Variants in HGF observed in about 807,000 individuals in gnomAD.
The protein encoded by HGF is hepatocyte growth factor.
In HGF, 39 loss-of-function variants were observed where a neutral mutation model predicts 111.6. The ratio of observed to expected loss-of-function variants is 0.35; its 90% CI spans 0.27 to 0.46. HGF has a LOEUF of 0.46. HGF is among the 20% of genes least tolerant of loss of function. HGF has a pLI of 1.00. For missense variants in HGF, 735 were observed against 910.5 expected, an observed-to-expected ratio of 0.81 and a Z score of 2.48; for synonymous variants, 285 against 294.8, an observed-to-expected ratio of 0.97 and a Z score of 0.34.
At position 81,717,257 on chromosome 7, in the gene HGF, A is replaced by G. The variant is rs760563094; in HGVS notation, c.1380T>C (p.Pro460=). 3.7e-6 allele frequency: 6 copies of G among 1,613,812 alleles called. No homozygotes were observed. Among genetic ancestry groups the G allele is most frequent in the Non-Finnish European group, 4.2e-6 (5 of 1,179,712 alleles). ...PWCYTGNPLI[P]WDYCPISRCE... is the part of the protein sequence containing the mutation. ...AACGAGAAATAGGGCAATAATCCCA[A>G]GGAATGAGTGGATTTCCCGTGTAGC... Residue 460 remains proline, a synonymous_variant, in exon 11 of 18, where the codon CCT becomes CCC. Transcript: ENST00000222390.
intron 5 of HGF, among the ~76,000 whole-genome samples, chr7:81,747,016 T>C (rs1365335959): frequency 6.6e-6 from 1 of 152,118 alleles, no homozygotes; most frequent in Non-Finnish European, 1.5e-5. Context: ...CTCACTTTGC[T>C]CTGCAACTTT....
chr7:81,702,801 A>T, intron 17 of HGF, 44 bp from the exon 18 acceptor site: 1 of 1,525,312 alleles, frequency 6.6e-7, no homozygotes, highest in Non-Finnish European at 9.1e-7. Context: ...TAGGAATTAA[A>T]AAAAAGCTCA....
In HGF at chr7:81,762,919, T is replaced by A. The variant is rs763784917; in HGVS notation, c.89-47A>T. The A allele has an allele frequency of 1.6e-5, 18 of 1,115,614 alleles. 1 individual carries two copies. In the South Asian group the frequency reaches 2.1e-4, roughly 13 times the overall value. 69.1% of individuals were successfully genotyped at this position (1,115,614 alleles called of 1,614,324 possible). ...AAAAAAATAAACATTGGAGAAATGT[T>A]TTTAAGGCTCATATATAAAAAAAAT... is the stretch of plus-strand genomic sequence containing the variant. On this transcript the variant is annotated intron_variant, in intron 1 of 17. Transcript: ENST00000222390.
chr7:81,716,858 T>C (rs1789725628), intron 11 of HGF, among the ~76,000 whole-genome samples: 1 of 152,122 alleles, frequency 6.6e-6, no homozygotes, highest in African/African-American at 2.4e-5. Context: ...CTGGGAACTT[T>C]GCTGAGAGCT....
intron 13 of HGF, 49 bp from the exon 14 acceptor site, chr7:81,707,413 G>T: frequency 9.3e-7 from 1 of 1,073,726 alleles, no homozygotes; most frequent in South Asian, 1.3e-5. Flanking sequence ...CAGAAAGAGT[G>T]ACTGCCAATT....
intron 17 of HGF, among the ~76,000 whole-genome samples, chr7:81,703,584 TATA>T (rs1250171827): frequency 4.7e-5 from 7 of 149,348 alleles, no homozygotes; most frequent in African/African-American, 1.2e-4. Flanking sequence ...TATAAAAATA[TATA>T]ATAAGTAAAT....
In HGF at chr7:81,762,680, T is replaced by C. The variant is rs199848928; in HGVS notation, c.254+27A>G. The stretch of plus-strand genomic sequence containing the variant: ...CATGCATGCTATATTTGGAAAATTA[T>C]TCTAAGAAGAAAATGAAGTAACTTA... On this transcript the variant is annotated intron_variant, in intron 2 of 17. Coordinates refer to ENST00000222390, the MANE Select transcript of HGF (RefSeq NM_000601.6). 1,051 of 1,540,074 alleles carry C rather than the reference T, an allele frequency of 6.8e-4. 3 individuals carry two copies. The highest frequency in any genetic ancestry group is 3.9e-3 in the Middle Eastern group (23 of 5,922).
intron 7 of HGF, among the ~76,000 whole-genome samples, chr7:81,732,125 C>T (rs1787680562): frequency 6.6e-6 from 1 of 152,148 alleles, no homozygotes; most frequent in Admixed American, 6.5e-5. Context: ...CTTGATGAGT[C>T]CAGGTGTCAA....
intron 12 of HGF, among the ~76,000 whole-genome samples, chr7:81,711,089 A>G (rs1789559498): frequency 6.6e-6 from 1 of 152,186 alleles, no homozygotes; most frequent in African/African-American, 2.4e-5. Flanking sequence ...ATAGAGTAGA[A>G]TAGAGGCACT....
chr7:81,756,885 C>T lies in HGF; in HGVS notation c.482+304G>A, dbSNP rs537957740. The stretch of plus-strand genomic sequence containing the variant: ...ATCAACCTCTCCCCCTGCACAGTGC[C>T]GTACTTTCTCAAAGACAGGAAGAAG... On this transcript the variant is annotated intron_variant, in intron 4 of 17. Transcript: ENST00000222390. 2.5e-4 allele frequency: 107 copies of T among 436,522 alleles called. 3 individuals are homozygous for T. The highest frequency in any genetic ancestry group is 2.0e-3 in the South Asian group (92 of 45,274). The allele number at this position is 436,522 out of a possible 1,614,324, so 27.0% of individuals were successfully genotyped here. A position where few individuals can be genotyped will look rare whatever the true frequency, so the allele number is the denominator to read the frequency against.
intron 11 of HGF, among the ~76,000 whole-genome samples, 173 bp from the exon 12 acceptor site, chr7:81,711,692 G>A (rs1583922832): frequency 6.6e-6 from 1 of 152,236 alleles, no homozygotes; most frequent in East Asian, 1.9e-4. Context: ...CACCCAGGCT[G>A]GAGTCCAGTG....
chr7:81,747,580 A>C (rs1235246646), intron 5 of HGF, among the ~76,000 whole-genome samples: 2 of 152,266 alleles, frequency 1.3e-5, no homozygotes, highest in African/African-American at 2.4e-5. Context: ...TTTAGAAAGC[A>C]ATGAAAGTTA....
intron 3 of HGF, among the ~76,000 whole-genome samples, chr7:81,757,925 A>G (rs113670434): frequency 1.2e-4 from 18 of 152,122 alleles, no homozygotes; most frequent in African/African-American, 4.1e-4. Flanking sequence ...ATTATGTTCA[A>G]GATTTGTAGT....
intron 13 of HGF, among the ~76,000 whole-genome samples, chr7:81,709,021 T>G (rs1199153719): frequency 1.3e-5 from 2 of 152,188 alleles, no homozygotes; most frequent in Non-Finnish European, 1.5e-5. Context: ...TCAAATTATA[T>G]AAACTCTTGC....
chr7:81,724,169 G>C (rs1443131152), intron 9 of HGF, among the ~76,000 whole-genome samples: 1 of 152,086 alleles, frequency 6.6e-6, no homozygotes, highest in Non-Finnish European at 1.5e-5. Context: ...AATGAGACAG[G>C]AACACAGAAG....
At chr7:81,725,808 T>C (rs1029266250) in intron 9 of HGF, 82 bp downstream of exon 9, 1 of 1,454,444 alleles carries the variant, frequency 6.9e-7, no homozygotes, top group African/African-American at 1.4e-5. Flanking sequence ...AAGAAGTAGA[T>C]CTTATGCTGT....
Position 81,700,524 on chromosome 7 carries a change from A to G in HGF, c.*2057T>C, listed in dbSNP as rs980124725. ...GAAGAGTCATTAAAGAAGTATTTTT[A>G]AAATGTGAGTATTTAAAATTATGAC... On this transcript the variant is annotated 3_prime_UTR_variant, in exon 18 of 18. Transcript: ENST00000222390. 2 of 151,688 alleles carry G rather than the reference A, an allele frequency of 1.3e-5. No homozygotes were observed. The highest frequency in any genetic ancestry group is 3.0e-5 in the Non-Finnish European group (2 of 67,726). The allele number at this position is 151,688 out of a possible 1,614,324, so 9.4% of individuals were successfully genotyped here. A position where few individuals can be genotyped will look rare whatever the true frequency, so the allele number is the denominator to read the frequency against.
At chr7:81,745,573 T>C (rs984229421) in intron 5 of HGF, among the ~76,000 whole-genome samples, 2 of 152,214 alleles carry the variant, frequency 1.3e-5, no homozygotes, top group Non-Finnish European at 2.9e-5. Flanking sequence ...TGTCATACTT[T>C]TATGGTTAAT....
At chr7:81,746,890 A>T (rs1788279759) in intron 5 of HGF, among the ~76,000 whole-genome samples, 1 of 152,142 alleles carries the variant, frequency 6.6e-6, no homozygotes, top group Admixed American at 6.5e-5. Flanking sequence ...TCAAATATGA[A>T]TGTGTGCAAA....
Sources: allele counts gnomAD v4.1 joint callset (sites outside exome capture counted in the v4.1 genomes callset), GRCh38; gene constraint gnomAD v4.1.1; transcripts MANE v1.5; gene names NCBI Gene and HGNC (gene_info 2026-07-23, HGNC 2026-07-21).